Variants in RGS6 observed in about 807,000 individuals in gnomAD.
RGS6 encodes regulator of G protein signaling 6, also known as regulator of G-protein signaling 6.
A neutral mutation model predicts 78.5 loss-of-function variants in RGS6; 30 were observed. The ratio of observed to expected loss-of-function variants is 0.38; its 90% CI spans 0.29 to 0.52. RGS6 has a LOEUF of 0.52. Ranked by LOEUF, RGS6 falls within the 20% of genes least tolerant of loss-of-function variation. The pLI, the probability that RGS6 is intolerant of heterozygous loss-of-function variation, is 0.85. For synonymous variants in RGS6, 206 were observed against 206.0 expected, an observed-to-expected ratio of 1.00 and a Z score of 0.00; for missense variants, 495 against 609.7, an observed-to-expected ratio of 0.81 and a Z score of 1.98.
intron 13 of RGS6, among the ~76,000 whole-genome samples, chr14:72,501,713 GA>G (rs1271233347): frequency 6.6e-6 from 1 of 152,202 alleles, no homozygotes; most frequent in Admixed American, 6.5e-5. Context: ...GGAGTCTAAT[GA>G]AACCTGGTGT....
intron 2 of RGS6, among the ~76,000 whole-genome samples, chr14:72,238,416 C>G (rs1454827405): frequency 1.3e-5 from 2 of 152,172 alleles, no homozygotes; most frequent in Non-Finnish European, 2.9e-5. Context: ...TTCCCTGTCT[C>G]CTGTCTGTAT....
At position 72,279,969 on chromosome 14, in the gene RGS6, C is replaced by T. The variant is rs140121581; in HGVS notation, c.85-72126C>T. On this transcript the variant is annotated intron_variant, in intron 2 of 17. Coordinates refer to ENST00000553525, the MANE Select transcript of RGS6 (RefSeq NM_001204424.2). ...AGAGAACATCAGTAGGAACTAGCCA[C>T]ATTTATTTCACGGACTCAATGATAC... is the stretch of plus-strand genomic sequence containing the variant. Among the ~76,000 whole-genome samples, 830 of 152,312 alleles carry T rather than the reference C, an allele frequency of 5.4e-3. 4 individuals are homozygous for T. The highest frequency in any genetic ancestry group is 0.054 in the Middle Eastern group (16 of 294).
At chr14:72,066,816 T>G (rs2094173456) in intron 2 of RGS6, among the ~76,000 whole-genome samples, 1 of 151,866 alleles carries the variant, frequency 6.6e-6, no homozygotes, top group African/African-American at 2.4e-5. Context: ...CAATTTTTTT[T>G]TTTTTTTTGT....
intron 1 of RGS6, among the ~76,000 whole-genome samples, chr14:71,946,989 C>T (rs1173204467): frequency 6.6e-6 from 1 of 152,060 alleles, no homozygotes; most frequent in Non-Finnish European, 1.5e-5. Flanking sequence ...TTTTACTCAC[C>T]TTATGTTGGT....
At chr14:72,587,806 G>T in the RGS6 span, among the ~76,000 whole-genome samples, 2 of 152,288 alleles carry the variant, frequency 1.3e-5, no homozygotes, top group East Asian at 1.9e-4. Context: ...AAACCTTGGG[G>T]CACAACCCGC....
rs935708616 is a variant in RGS6, at chr14:72,204,534, A to G, written c.85-147561A>G. Reference sequence around the variant, plus strand: ...CAAAATACCATAAACTGGGTGGCTTATGGACAACAGGATTTTATGTCTCAC... The same window carrying G: ...CAAAATACCATAAACTGGGTGGCTTGTGGACAACAGGATTTTATGTCTCAC... On this transcript the variant is annotated intron_variant, in intron 2 of 17. Transcript: ENST00000553525. 2.0e-5 allele frequency among the ~76,000 whole-genome samples: 3 copies of G among 152,218 alleles called. No homozygotes were observed. In the East Asian group the frequency reaches 5.8e-4, roughly 29 times the overall value.
chr14:72,530,337 A>G (rs1418645522), intron 15 of RGS6, among the ~76,000 whole-genome samples: 6 of 152,226 alleles, frequency 3.9e-5, no homozygotes, highest in Non-Finnish European at 8.8e-5. Context: ...TGCCTGACAC[A>G]AGGAGACAGT....
At chr14:71,891,021 G>C in the RGS6 span, among the ~76,000 whole-genome samples, 1 of 152,304 alleles carries the variant, frequency 6.6e-6, no homozygotes, top group East Asian at 1.9e-4. Context: ...ATGTCTGGGG[G>C]ACAGGGGTAT....
intron 2 of RGS6, among the ~76,000 whole-genome samples, chr14:72,207,330 A>T (rs959512095): frequency 6.6e-6 from 1 of 152,152 alleles, no homozygotes; most frequent in African/African-American, 2.4e-5. Context: ...AATGACTTCA[A>T]TGTTATGGTT....
intron 3 of RGS6, among the ~76,000 whole-genome samples, chr14:72,450,713 T>C (rs1402105888): frequency 3.3e-5 from 5 of 152,008 alleles, no homozygotes; most frequent in Non-Finnish European, 7.4e-5. Context: ...TAATCTTAGA[T>C]AGAACAGAAA....
At chr14:71,951,353 CAATG>C (rs2092299422) in intron 1 of RGS6, among the ~76,000 whole-genome samples, 1 of 151,754 alleles carries the variant, frequency 6.6e-6, no homozygotes, top group African/African-American at 2.4e-5. Context: ...GGGAACCAAA[CAATG>C]AGAACCTGTA....
chr14:72,597,559 G>C, the RGS6 span, among the ~76,000 whole-genome samples: 1 of 152,188 alleles, frequency 6.6e-6, no homozygotes, highest in Admixed American at 6.5e-5. Flanking sequence ...TAGATGTTTT[G>C]TCCATGTAAT....
intron 2 of RGS6, among the ~76,000 whole-genome samples, chr14:72,150,428 A>G (rs531174900): frequency 1.3e-5 from 2 of 152,188 alleles, no homozygotes; most frequent in African/African-American, 4.8e-5. Context: ...GCAACTTCTT[A>G]TGGCAGTCCT....
chr14:72,515,109 G>A (rs1378128947), intron 14 of RGS6, among the ~76,000 whole-genome samples: 1 of 152,218 alleles, frequency 6.6e-6, no homozygotes, highest in Non-Finnish European at 1.5e-5. Flanking sequence ...TTGCCTGAGA[G>A]AGACAAGGCA....
At chr14:72,469,772 G>T (rs2096022529) in intron 7 of RGS6, 1 of 404,584 alleles carries the variant, frequency 2.5e-6, no homozygotes, top group Non-Finnish European at 4.4e-6. Flanking sequence ...AGAGGAATCA[G>T]GTGAACCATA....
chr14:71,917,132 T>G, the RGS6 span, among the ~76,000 whole-genome samples: 48 of 152,308 alleles, frequency 3.2e-4, 1 homozygote, highest in African/African-American at 1.1e-3. Context: ...AAATAGTCTA[T>G]AGAGTTAATT....
intron 3 of RGS6, among the ~76,000 whole-genome samples, chr14:72,363,179 TA>T (rs2081817561): frequency 6.6e-6 from 1 of 152,172 alleles, no homozygotes; most frequent in African/African-American, 2.4e-5. Flanking sequence ...ATCTCAAAGG[TA>T]ACCCATCTAC....
intron 15 of RGS6, among the ~76,000 whole-genome samples, chr14:72,526,277 G>GTT (rs3216325): frequency 5.1e-4 from 77 of 150,540 alleles, no homozygotes; most frequent in East Asian, 2.8e-3. Context: ...CTAATTTTTT[G>GTT]TTTTTTTTTA....
At chr14:71,873,880 A>C in the RGS6 span, among the ~76,000 whole-genome samples, 61 of 152,222 alleles carry the variant, frequency 4.0e-4, no homozygotes, top group South Asian at 1.5e-3. Flanking sequence ...TTTTCCCAGC[A>C]CCATTTATTA....
Sources: allele counts gnomAD v4.1 joint callset (sites outside exome capture counted in the v4.1 genomes callset), GRCh38; gene constraint gnomAD v4.1.1; transcripts MANE v1.5; gene names NCBI Gene and HGNC (gene_info 2026-07-23, HGNC 2026-07-21).